The following ARPC2 variants were observed in gnomAD, a reference collection of about 807,000 sequenced individuals.
ARPC2 encodes the protein actin-related protein 2/3 complex subunit 2.
A neutral mutation model predicts 38.6 loss-of-function variants in ARPC2; 4 were observed. The ratio of observed to expected loss-of-function variants is 0.10; its 90% CI spans 0.05 to 0.24. The LOEUF (loss-of-function observed/expected upper bound fraction) is 0.24, where lower values mean the gene tolerates loss of function less well. Among genes scored for constraint, ARPC2 ranks in the 10% least tolerant of loss-of-function variants. ARPC2 has a pLI of 1.00. For missense variants in ARPC2, 229 were observed against 387.3 expected (o/e 0.59, Z 3.43); for synonymous variants, 125 against 140.8 (o/e 0.89, Z 0.79).
chr2:218,239,449 G>T lies in ARPC2; in HGVS notation c.514G>T (p.Asp172Tyr). ...TVVFSTVFKD[D>Y]DDVVIGKVFM... ...AGTCTTCAGCACAGTGTTTAAGGAT[G>T]ACGACGATGTGGTCATTGGAAAGGT... is the stretch of plus-strand genomic sequence containing the variant. The change falls in exon 7 of 11, where the codon GAC becomes TAC. Residue 172 changes from aspartate to tyrosine, a missense_variant. Coordinates refer to ENST00000315717, the MANE Select transcript of ARPC2 (RefSeq NM_152862.3). The T allele has an allele frequency of 6.2e-7, 1 of 1,614,150 alleles. No homozygotes were observed. The highest frequency in any genetic ancestry group is 8.5e-7 in the Non-Finnish European group (1 of 1,180,016).
rs547819891 is a variant in ARPC2, at chr2:218,249,356, G to A, written c.677-8G>A. 1.3e-5 allele frequency: 21 copies of A among 1,604,070 alleles called. No homozygotes were observed. The highest frequency in any genetic ancestry group is 2.2e-5 in the East Asian group (1 of 44,724). On this transcript the variant is annotated splice_region_variant and splice_polypyrimidine_tract_variant and intron_variant, in intron 8 of 10. Transcript: ENST00000315717. ...TCCTGACGCCTTGTTTGTGTCTTCC[G>A]CCTTCAGTGCTGTTCCCTCGTCACA... is the stretch of plus-strand genomic sequence containing the variant.
chr2:218,236,792 C>CAAAAAAA (rs35432585), intron 5 of ARPC2: 6 of 140,648 alleles, frequency 4.3e-5, no homozygotes, highest in Non-Finnish European at 9.2e-5. Context: ...AACTCCATCT[C>CAAAAAAA]AAAAAAAAAA....
intron 4 of ARPC2, among the ~76,000 whole-genome samples, chr2:218,232,364 G>T (rs1689654715): frequency 6.6e-6 from 1 of 152,162 alleles, no homozygotes; most frequent in Non-Finnish European, 1.5e-5. Flanking sequence ...GTCTCAGTCT[G>T]TTTTTTGTTG....
At chr2:218,252,776 G>A (rs1316854948) in intron 10 of ARPC2, among the ~76,000 whole-genome samples, 1 of 152,224 alleles carries the variant, frequency 6.6e-6, no homozygotes, top group East Asian at 1.9e-4. Flanking sequence ...CAGCCAGCAG[G>A]CAGTCGTGGG....
At chr2:218,222,617 A>G (rs2106143359) in intron 2 of ARPC2, among the ~76,000 whole-genome samples, 1 of 152,178 alleles carries the variant, frequency 6.6e-6, no homozygotes, top group African/African-American at 2.4e-5. Context: ...CTGCTAACCA[A>G]TTCCTGATTC....
At chr2:218,246,758 G>A (rs1690044718) in intron 8 of ARPC2, among the ~76,000 whole-genome samples, 1 of 152,040 alleles carries the variant, frequency 6.6e-6, no homozygotes, top group South Asian at 2.1e-4. Context: ...ATCACTTGAG[G>A]TCAGAAGTTC....
intron 10 of ARPC2, among the ~76,000 whole-genome samples, chr2:218,251,795 A>G (rs540139285): frequency 5.7e-4 from 87 of 152,290 alleles, no homozygotes; most frequent in Middle Eastern, 3.4e-3. Flanking sequence ...TGGGTGTGGT[A>G]CGCCTAGGGC....
chr2:218,225,823 T>A, intron 2 of ARPC2, 97 bp from the exon 3 acceptor site: 1 of 1,130,938 alleles, frequency 8.8e-7, no homozygotes. Flanking sequence ...TACAGAATGG[T>A]CTGATCTTAA....
chr2:218,223,557 T>TC (rs1225794869), intron 2 of ARPC2, among the ~76,000 whole-genome samples: 1 of 152,142 alleles, frequency 6.6e-6, no homozygotes, highest in East Asian at 1.9e-4. Flanking sequence ...TTGGAACATA[T>TC]CCCCCACAGA....
Position 218,217,543 on chromosome 2 carries a change from G to A in ARPC2, c.73G>A (p.Gly25Arg), listed in dbSNP as rs890114437. The A allele has an allele frequency of 1.2e-6, 2 of 1,611,326 alleles. No individual in the cohort carries two copies. The highest frequency in any genetic ancestry group is 8.5e-7 in the Non-Finnish European group (1 of 1,178,734). ...LALKFENAAA[G>R]NKPEAVEVTF... is the part of the protein sequence containing the mutation. The stretch of plus-strand genomic sequence containing the variant: ...GCTCAAGTTCGAGAACGCGGCCGCC[G>A]GGTGAGCGCGCGCCCGGGGCCGGGG... The change falls in exon 2 of 11, where the codon GGA (glycine) becomes AGA (arginine). Residue 25 changes from glycine to arginine, a missense_variant and splice_region_variant. Transcript: ENST00000315717.
chr2:218,249,998 G>C, intron 10 of ARPC2, 77 bp downstream of exon 10: 4 of 1,265,022 alleles, frequency 3.2e-6, no homozygotes, highest in Non-Finnish European at 4.4e-6. Flanking sequence ...CTGGTGGCCT[G>C]GTCCTCCATG....
intron 5 of ARPC2, among the ~76,000 whole-genome samples, chr2:218,238,442 C>T (rs1169299258): frequency 1.3e-5 from 2 of 152,098 alleles, no homozygotes; most frequent in East Asian, 3.9e-4. Flanking sequence ...TTTATTTCAC[C>T]TCATTTTGCC....
At chr2:218,234,644 G>A in intron 5 of ARPC2, 2 of 536,470 alleles carry the variant, frequency 3.7e-6, no homozygotes, top group Admixed American at 3.2e-5. Flanking sequence ...GGGGCCACAT[G>A]ACTCTTACTT....
chr2:218,227,562 G>A (rs893258184), intron 3 of ARPC2, among the ~76,000 whole-genome samples: 5 of 150,964 alleles, frequency 3.3e-5, no homozygotes, highest in African/African-American at 1.2e-4. Context: ...AAGTAGCTGG[G>A]ACTACAGATC....
chr2:218,254,126 A>C lies in ARPC2; in HGVS notation c.*211A>C. The C allele has an allele frequency of 1.9e-6, 1 of 527,286 alleles. No homozygotes were observed. Among genetic ancestry groups the C allele is most frequent in the Non-Finnish European group, 3.3e-6 (1 of 306,958 alleles). 32.7% of individuals were successfully genotyped at this position (527,286 alleles called of 1,614,324 possible). A position where few individuals can be genotyped will look rare whatever the true frequency, so the allele number is the denominator to read the frequency against. ...CAAGAATTAAAAAAAAAAAAAAAAG[A>C]ATTCCACTTGATCAACTTAATTCCT... On this transcript the variant is annotated 3_prime_UTR_variant, in exon 11 of 11. Transcript: ENST00000315717.
chr2:218,243,753 G>A (rs1015805765), intron 7 of ARPC2, among the ~76,000 whole-genome samples: 4 of 152,208 alleles, frequency 2.6e-5, no homozygotes, highest in African/African-American at 9.6e-5. Flanking sequence ...TCCAGCCTGG[G>A]TGACAGAGTG....
intron 2 of ARPC2, among the ~76,000 whole-genome samples, chr2:218,225,215 G>A (rs575344998): frequency 1.3e-5 from 2 of 152,316 alleles, no homozygotes; most frequent in East Asian, 3.9e-4. Context: ...AAACATGAGC[G>A]TGATGAGAAA....
intron 2 of ARPC2, among the ~76,000 whole-genome samples, chr2:218,221,796 G>A (rs1382779168): frequency 6.6e-6 from 1 of 152,166 alleles, no homozygotes; most frequent in Non-Finnish European, 1.5e-5. Flanking sequence ...GTGGAGAATA[G>A]GACCACCTCT....
chr2:218,249,280 T>G, intron 8 of ARPC2, 84 bp from the exon 9 acceptor site: 1 of 869,892 alleles, frequency 1.1e-6, no homozygotes, highest in Non-Finnish European at 1.9e-6. Flanking sequence ...AGAGAGGGAG[T>G]GATGTTCACT....
Sources: gnomAD v4.1 joint callset for allele counts (sites outside exome capture counted in the v4.1 genomes callset) on GRCh38, gnomAD v4.1.1 for gene constraint, MANE v1.5 for transcripts, NCBI Gene and HGNC (gene_info 2026-07-23, HGNC 2026-07-21) for gene names.